Variants in WDR47 observed in about 807,000 individuals in gnomAD.
WDR47 encodes WD repeat-containing protein 47.
A neutral mutation model predicts 97.2 loss-of-function variants in WDR47; 32 were observed. That is an observed-to-expected ratio of 0.33 (90% CI 0.25 to 0.44). The LOEUF (loss-of-function observed/expected upper bound fraction) is 0.44, where lower values mean the gene tolerates loss of function less well. WDR47 is among the 20% of genes least tolerant of loss of function. The probability of loss-of-function intolerance (pLI) is 1.00; values close to 1 mark genes in which losing one functional copy is unlikely to be tolerated. For missense variants in WDR47, 782 were observed against 1,102.3 expected (o/e 0.71, Z 4.11); for synonymous variants, 375 against 373.5 (o/e 1.00, Z -0.05).
intron 1 of WDR47, among the ~76,000 whole-genome samples, chr1:109,028,509 C>A (rs1375201612): frequency 6.6e-6 from 1 of 151,482 alleles, no homozygotes; most frequent in African/African-American, 2.4e-5. Flanking sequence ...TCATGCCTGG[C>A]CCAGAGGACT....
rs112161424 is a variant in WDR47 at position 109,029,671 on chromosome 1, CTAAATAAA to C, written c.-9-6158_-9-6151del. Among the ~76,000 whole-genome samples, 1,394 of 140,642 alleles carry C rather than the reference CTAAATAAA, an allele frequency of 9.9e-3. 14 individuals are homozygous for C. The highest frequency in any genetic ancestry group is 0.039 in the Middle Eastern group (11 of 284). 92.3% of individuals were successfully genotyped at this position (140,642 alleles called of 152,430 possible). A position where few individuals can be genotyped will look rare whatever the true frequency, so the allele number is the denominator to read the frequency against. ...TGGGTGACAGAGCGAGACTCTGTCTCTAAATAAATAAATAAATAAATAAATAAATAAAT... is the reference window on the plus strand; with the variant it reads ...TGGGTGACAGAGCGAGACTCTGTCTCTAAATAAATAAATAAATAAATAAAT... On this transcript the variant is annotated intron_variant, in intron 1 of 14. Transcript: ENST00000369962.
intron 1 of WDR47, among the ~76,000 whole-genome samples, chr1:109,038,515 C>CA (rs1663116088): frequency 6.6e-6 from 1 of 151,846 alleles, no homozygotes; most frequent in Non-Finnish European, 1.5e-5. Flanking sequence ...CCTATCTCTA[C>CA]AAAAAATACA....
rs756443795 is a variant in WDR47 at position 109,032,046 on chromosome 1, A to T, written c.-9-8525T>A. Among the ~76,000 whole-genome samples, 3 of 138,086 alleles carry T rather than the reference A, an allele frequency of 2.2e-5. 1 individual carries two copies. The highest frequency in any genetic ancestry group is 4.8e-5 in the Non-Finnish European group (3 of 62,370). The allele number at this position is 138,086 out of a possible 152,430, so 90.6% of individuals were successfully genotyped here. On this transcript the variant is annotated intron_variant, in intron 1 of 14. Transcript: ENST00000369962. Reference sequence around the variant, plus strand: ...CACTCCTAGGCTACAGATATCTGCCAGCCTCAGCCTCCTAAAGTGCTGAGA... The same window carrying T: ...CACTCCTAGGCTACAGATATCTGCCTGCCTCAGCCTCCTAAAGTGCTGAGA...
chr1:109,010,723 C>T (rs985121078), intron 5 of WDR47, among the ~76,000 whole-genome samples, 193 bp downstream of exon 5: 7 of 151,830 alleles, frequency 4.6e-5, no homozygotes, highest in Non-Finnish European at 1.5e-5. Context: ...GCTGGGACTA[C>T]AGGCACCTGC....
chr1:108,989,936 T>C (rs1557925266), intron 9 of WDR47, among the ~76,000 whole-genome samples: 2 of 152,172 alleles, frequency 1.3e-5, no homozygotes, highest in Admixed American at 1.3e-4. Context: ...CCTCAGGTGA[T>C]CCACCTGCCT....
At chr1:108,991,432 C>G in intron 8 of WDR47, 103 bp from the exon 9 acceptor site, 2 of 925,142 alleles carry the variant, frequency 2.2e-6, no homozygotes, top group South Asian at 3.3e-5. Context: ...GCAAACAATC[C>G]TAGCTGACTC....
chr1:108,971,663 T>C, intron 14 of WDR47, 91 bp from the exon 15 acceptor site: 2 of 1,366,576 alleles, frequency 1.5e-6, no homozygotes, highest in Admixed American at 2.3e-5. Context: ...CATTACAGTA[T>C]AAAAAATCTT....
chr1:109,030,110 G>A (rs555520094), intron 1 of WDR47: 10 of 1,074,362 alleles, frequency 9.3e-6, no homozygotes, highest in Non-Finnish European at 1.2e-5. Flanking sequence ...CAGAAGAAGA[G>A]AAGAAGAAAC....
At chr1:108,988,344 GTTTCA>G (rs1313729009) in intron 9 of WDR47, among the ~76,000 whole-genome samples, 2 of 151,338 alleles carry the variant, frequency 1.3e-5, no homozygotes, top group African/African-American at 4.8e-5. Flanking sequence ...AACAAATAGA[GTTTCA>G]TTTGTGTTTC....
At chr1:109,019,382 CAAAAAA>C (rs543984146) in intron 2 of WDR47, among the ~76,000 whole-genome samples, 2 of 61,462 alleles carry the variant, frequency 3.3e-5, no homozygotes, top group South Asian at 1.2e-3. Flanking sequence ...GACTCTGTCT[CAAAAAA>C]AAAAAAAAAA....
intron 9 of WDR47, among the ~76,000 whole-genome samples, chr1:108,989,056 C>T (rs372930227): frequency 6.6e-6 from 1 of 152,136 alleles, no homozygotes; most frequent in East Asian, 1.9e-4. Context: ...CACGCCTAGC[C>T]TCATTTTTAC....
At chr1:108,979,895 T>C (rs971120939) in intron 13 of WDR47, among the ~76,000 whole-genome samples, 1 of 152,216 alleles carries the variant, frequency 6.6e-6, no homozygotes, top group Non-Finnish European at 1.5e-5. Context: ...CAGCAGTCTA[T>C]GGCCTGTTAG....
chr1:109,038,850 G>A (rs991144222), intron 1 of WDR47, among the ~76,000 whole-genome samples: 3 of 152,032 alleles, frequency 2.0e-5, no homozygotes, highest in Admixed American at 1.3e-4. Context: ...GGGGGTATGT[G>A]CACCTGCAAT....
chr1:108,994,483 C>T (rs1476163056), intron 8 of WDR47, among the ~76,000 whole-genome samples: 1 of 152,048 alleles, frequency 6.6e-6, no homozygotes, highest in Non-Finnish European at 1.5e-5. Flanking sequence ...GTGGTTCACT[C>T]CTGTAATCCC....
intron 5 of WDR47, among the ~76,000 whole-genome samples, chr1:109,007,826 G>C (rs565506603): frequency 6.6e-4 from 100 of 152,274 alleles, no homozygotes; most frequent in African/African-American, 2.1e-3. Context: ...TGTTCAGGCT[G>C]GGTGCAGTGG....
chr1:109,032,283 G>C (rs1204814877), intron 1 of WDR47, among the ~76,000 whole-genome samples: 1 of 137,462 alleles, frequency 7.3e-6, no homozygotes, highest in Non-Finnish European at 1.6e-5. Flanking sequence ...AGGCGGAGGC[G>C]GGTGGATCTC....
chr1:109,033,840 AC>A (rs1662760478), intron 1 of WDR47, among the ~76,000 whole-genome samples: 1 of 152,176 alleles, frequency 6.6e-6, no homozygotes, highest in Non-Finnish European at 1.5e-5. Flanking sequence ...AATTGCTTGA[AC>A]CAGGGAGTCG....
At chr1:109,015,151 T>G (rs1351179766) in intron 3 of WDR47, among the ~76,000 whole-genome samples, 1 of 152,118 alleles carries the variant, frequency 6.6e-6, no homozygotes, top group Non-Finnish European at 1.5e-5. Flanking sequence ...GTAAAGAATG[T>G]ACAAACGCAA....
intron 13 of WDR47, among the ~76,000 whole-genome samples, chr1:108,975,745 A>C (rs974624903): frequency 6.6e-6 from 1 of 152,160 alleles, no homozygotes; most frequent in African/African-American, 2.4e-5. Context: ...TCATAAAAAA[A>C]TGGGACACAA....
Sources: allele counts gnomAD v4.1 joint callset (sites outside exome capture counted in the v4.1 genomes callset), GRCh38; gene constraint gnomAD v4.1.1; transcripts MANE v1.5; gene names NCBI Gene and HGNC (gene_info 2026-07-23, HGNC 2026-07-21).